The following UBAC1 variants were observed in gnomAD, a reference collection of about 807,000 sequenced individuals.
The protein encoded by UBAC1 is UBA domain containing 1.
Under a neutral mutation model 45.9 loss-of-function variants are expected in UBAC1, and 27 were observed. That is an observed-to-expected ratio of 0.59 (90% CI 0.43 to 0.81). The LOEUF (loss-of-function observed/expected upper bound fraction) is 0.81, where lower values mean the gene tolerates loss of function less well. Ranked by LOEUF, UBAC1 falls within the 30% of genes least tolerant of loss-of-function variation. UBAC1 has a pLI of 0.00. For synonymous variants in UBAC1, 227 were observed against 215.5 expected, an observed-to-expected ratio of 1.05 and a Z score of -0.47; for missense variants, 529 against 539.2, an observed-to-expected ratio of 0.98 and a Z score of 0.19.
At chr9:135,955,274 G>A (rs566723458) in intron 2 of UBAC1, 21 bp downstream of exon 2, 35 of 1,530,920 alleles carry the variant, frequency 2.3e-5, no homozygotes, top group Non-Finnish European at 2.6e-5. Flanking sequence ...CTGCCAACCC[G>A]CCCGCCCACA....
chr9:135,957,792 A>T (rs1588537142), intron 1 of UBAC1, among the ~76,000 whole-genome samples: 2 of 142,494 alleles, frequency 1.4e-5, no homozygotes, highest in African/African-American at 2.6e-5. Context: ...TTTTTTTTTT[A>T]AAGACAGGGT....
chr9:135,936,040 AAAG>A (rs1159660539), intron 9 of UBAC1, among the ~76,000 whole-genome samples: 1 of 151,918 alleles, frequency 6.6e-6, no homozygotes, highest in African/African-American at 2.4e-5. Flanking sequence ...AAAAAAAAAA[AAAG>A]AGGAATACAA....
At chr9:135,938,436 A>G (rs1415592952) in intron 8 of UBAC1, 76 bp from the exon 9 acceptor site, 3 of 1,547,428 alleles carry the variant, frequency 1.9e-6, no homozygotes, top group Non-Finnish European at 2.6e-6. Flanking sequence ...AGCAGGCATG[A>G]CAGCTCCTGC....
Position 135,961,309 on chromosome 9 carries a change from G to T in UBAC1, c.-147C>A. ...CCCGGCTCCCGTCGGCCGGGCCGCC[G>T]TCACTCTCCGCGGCCTCAGCGGTCG... On this transcript the variant is annotated 5_prime_UTR_variant, in exon 1 of 10. Transcript: ENST00000371756. 1.7e-6 allele frequency: 1 copy of T among 597,470 alleles called. No homozygotes were observed. The highest frequency in any genetic ancestry group is 2.1e-6 in the Non-Finnish European group (1 of 466,306). 37.0% of individuals were successfully genotyped at this position (597,470 alleles called of 1,614,324 possible).
At chr9:135,940,406 C>T (rs181060548) in intron 7 of UBAC1, among the ~76,000 whole-genome samples, 2 of 151,824 alleles carry the variant, frequency 1.3e-5, no homozygotes, top group South Asian at 4.2e-4. Flanking sequence ...GGTGAAACCC[C>T]GTCTCTACTA....
chr9:135,940,659 G>A (rs1433539080), intron 7 of UBAC1, among the ~76,000 whole-genome samples: 1 of 151,804 alleles, frequency 6.6e-6, no homozygotes, highest in Admixed American at 6.6e-5. Flanking sequence ...CTGAACATAT[G>A]CTAATTCGTT....
At chr9:135,938,182 C>T (rs764782293) in intron 9 of UBAC1, 40 bp downstream of exon 9, 3 of 1,603,930 alleles carry the variant, frequency 1.9e-6, no homozygotes, top group Admixed American at 1.7e-5. Context: ...ACCAGCCAGC[C>T]TCCCCGACCC....
At chr9:135,953,356 C>T (rs1839429335) in intron 3 of UBAC1, among the ~76,000 whole-genome samples, 1 of 152,022 alleles carries the variant, frequency 6.6e-6, no homozygotes, top group South Asian at 2.1e-4. Flanking sequence ...CTTACTCTGT[C>T]GCCAGGCTGG....
Position 135,945,210 on chromosome 9 carries a change from C to G in UBAC1, c.694G>C (p.Ala232Pro). Residue 232 changes from alanine (A) to proline (P), a missense_variant, in exon 7 of 10, where the codon GCA (alanine) becomes CCA (proline). Transcript: ENST00000371756. ...GGCGTGTCTATGGTCGGGTCTTCTG[C>G]GTGTTCAATTAGCCACTCCATGGCC... ...PQAMEWLIEH[A>P]EDPTIDTPLP... 6.2e-7 allele frequency: 1 copy of G among 1,607,806 alleles called. No individual in the cohort carries two copies. Among genetic ancestry groups the G allele is most frequent in the Non-Finnish European group, 8.5e-7 (1 of 1,177,116 alleles).
intron 1 of UBAC1, among the ~76,000 whole-genome samples, chr9:135,959,976 C>G (rs942046218): frequency 6.6e-6 from 1 of 152,158 alleles, no homozygotes; most frequent in Non-Finnish European, 1.5e-5. Context: ...TTCCAGAACT[C>G]CACAGAACCA....
intron 1 of UBAC1, 26 bp downstream of exon 1, chr9:135,960,999 G>A (rs1439802883): frequency 2.2e-5 from 34 of 1,513,548 alleles, no homozygotes; most frequent in Non-Finnish European, 2.8e-5. Flanking sequence ...CGGGTGTTGG[G>A]GGCAGGGGAG....
At chr9:135,959,372 GTTTTTT>G (rs34292104) in intron 1 of UBAC1, among the ~76,000 whole-genome samples, 7 of 99,846 alleles carry the variant, frequency 7.0e-5, no homozygotes, top group Admixed American at 1.1e-4. Flanking sequence ...TTTTTGTCTG[GTTTTTT>G]TTTTTTTTTT....
intron 1 of UBAC1, among the ~76,000 whole-genome samples, chr9:135,957,746 T>C (rs536833476): frequency 3.3e-5 from 5 of 151,020 alleles, no homozygotes; most frequent in Non-Finnish European, 5.9e-5. Flanking sequence ...TACTCTCTTC[T>C]AGTCTGGCAA....
intron 2 of UBAC1, among the ~76,000 whole-genome samples, chr9:135,954,697 C>T (rs1839445658): frequency 6.6e-6 from 1 of 152,212 alleles, no homozygotes; most frequent in South Asian, 2.1e-4. Context: ...AGAGTTTAGT[C>T]TTAACCCTCA....
Position 135,933,240 on chromosome 9 carries a change from T to A in UBAC1, c.*160A>T. The A allele has an allele frequency of 1.6e-6, 1 of 617,860 alleles. No individual in the cohort carries two copies. 38.3% of individuals were successfully genotyped at this position (617,860 alleles called of 1,614,324 possible). On this transcript the variant is annotated 3_prime_UTR_variant, in exon 10 of 10. Transcript: ENST00000371756. The stretch of plus-strand genomic sequence containing the variant: ...GCCTTACACACTACCGTCACCAAAG[T>A]TTATAAGCAATAAGATCAGAGAGCA...
intron 7 of UBAC1, 78 bp from the exon 8 acceptor site, chr9:135,939,837 C>T (rs1588530908): frequency 9.4e-6 from 12 of 1,272,168 alleles, no homozygotes; most frequent in Admixed American, 3.7e-5. Context: ...CAGAGGGGCC[C>T]GCTCCCCGCA....
intron 1 of UBAC1, among the ~76,000 whole-genome samples, chr9:135,959,537 G>C (rs1005466342): frequency 6.6e-6 from 1 of 152,010 alleles, no homozygotes; most frequent in Non-Finnish European, 1.5e-5. Context: ...ACCACGCCCC[G>C]CTAATTTTTT....
intron 9 of UBAC1, among the ~76,000 whole-genome samples, chr9:135,934,472 A>C (rs917056375): frequency 1.3e-5 from 2 of 152,202 alleles, no homozygotes; most frequent in African/African-American, 4.8e-5. Context: ...CATCCTGGCT[A>C]ATACGGTAAA....
intron 7 of UBAC1, among the ~76,000 whole-genome samples, chr9:135,944,486 A>G (rs1486987287): frequency 6.6e-6 from 1 of 152,234 alleles, no homozygotes; most frequent in Non-Finnish European, 1.5e-5. Context: ...ATCAAAGAAC[A>G]GGAGAGAGAA....
Sources: allele counts gnomAD v4.1 joint callset (sites outside exome capture counted in the v4.1 genomes callset), GRCh38; gene constraint gnomAD v4.1.1; transcripts MANE v1.5; gene names NCBI Gene and HGNC (gene_info 2026-07-23, HGNC 2026-07-21).